Variants in MAPKAP1 observed in about 807,000 individuals in gnomAD.
MAPKAP1 encodes target of rapamycin complex 2 subunit MAPKAP1.
Under a neutral mutation model 65.7 loss-of-function variants are expected in MAPKAP1, and 20 were observed. The observed-to-expected ratio is 0.30, with a 90% CI of 0.21 to 0.44. The LOEUF (loss-of-function observed/expected upper bound fraction) is 0.44. Among genes scored for constraint, MAPKAP1 ranks in the 20% least tolerant of loss-of-function variants. The pLI is 1.00. For missense variants in MAPKAP1, 423 were observed against 648.0 expected (o/e 0.65, Z 3.77); for synonymous variants, 222 against 244.3 (o/e 0.91, Z 0.85).
At chr9:125,552,303 C>T (rs988280189) in intron 6 of MAPKAP1, among the ~76,000 whole-genome samples, 35 of 152,202 alleles carry the variant, frequency 2.3e-4, no homozygotes, top group African/African-American at 8.2e-4. Context: ...TTCCTGGGGC[C>T]CAGGGGTTCT....
intron 7 of MAPKAP1, among the ~76,000 whole-genome samples, chr9:125,534,215 C>T (rs1830010593): frequency 6.6e-6 from 1 of 152,010 alleles, no homozygotes; most frequent in Non-Finnish European, 1.5e-5. Flanking sequence ...AAATGTATAA[C>T]CTATATGTAT....
intron 10 of MAPKAP1, among the ~76,000 whole-genome samples, chr9:125,444,967 A>G (rs1038244977): frequency 6.6e-6 from 1 of 152,236 alleles, no homozygotes; most frequent in African/African-American, 2.4e-5. Context: ...GTTTAAAGTC[A>G]GATAAATGAG....
chr9:125,666,729 G>T (rs778804271), intron 3 of MAPKAP1, among the ~76,000 whole-genome samples: 4 of 152,164 alleles, frequency 2.6e-5, no homozygotes, highest in Non-Finnish European at 4.4e-5. Flanking sequence ...ACGTTTGTGG[G>T]AGATGTATAA....
At chr9:125,611,247 TTTTTA>T (rs1832592509) in intron 4 of MAPKAP1, among the ~76,000 whole-genome samples, 2 of 152,196 alleles carry the variant, frequency 1.3e-5, no homozygotes, top group Non-Finnish European at 2.9e-5. Context: ...ACCAAGCAGA[TTTTTA>T]CAAGATCAAA....
At chr9:125,564,882 C>T (rs552656511) in intron 5 of MAPKAP1, among the ~76,000 whole-genome samples, 10 of 152,018 alleles carry the variant, frequency 6.6e-5, no homozygotes, top group African/African-American at 1.9e-4. Flanking sequence ...CAGAGAAAGA[C>T]GAATGATCAA....
intron 7 of MAPKAP1, among the ~76,000 whole-genome samples, chr9:125,510,692 C>G (rs575486283): frequency 3.3e-5 from 5 of 152,302 alleles, no homozygotes; most frequent in African/African-American, 9.6e-5. Flanking sequence ...GGGTAACAAC[C>G]TGGGGGAAGG....
intron 4 of MAPKAP1, among the ~76,000 whole-genome samples, chr9:125,647,823 G>A (rs1374900698): frequency 3.9e-5 from 6 of 152,060 alleles, no homozygotes; most frequent in Non-Finnish European, 1.5e-5. Context: ...ATAGAGATGT[G>A]TGAACGAATC....
chr9:125,667,487 T>TTC (rs10676811), intron 3 of MAPKAP1, among the ~76,000 whole-genome samples: 137,663 of 152,120 alleles, frequency 0.9, 63,768 homozygotes, highest in East Asian at 1. Flanking sequence ...GCCCAGCTAA[T>TTC]TTATATTTTT....
intron 1 of MAPKAP1, among the ~76,000 whole-genome samples, chr9:125,687,787 A>C (rs938067806): frequency 2.0e-4 from 31 of 152,164 alleles, no homozygotes; most frequent in African/African-American, 7.5e-4. Context: ...CTCTCTCTTA[A>C]ATTTTTTAAA....
intron 4 of MAPKAP1, among the ~76,000 whole-genome samples, chr9:125,611,244 AG>A (rs1832592136): frequency 1.3e-5 from 2 of 152,256 alleles, no homozygotes; most frequent in Non-Finnish European, 2.9e-5. Flanking sequence ...ATTACCAAGC[AG>A]ATTTTTACAA....
rs536529334 is a variant in MAPKAP1, at chr9:125,466,593, C to T, written c.1345+1379G>A. On this transcript the variant is annotated intron_variant, in intron 10 of 11. Coordinates refer to ENST00000265960, the MANE Select transcript of MAPKAP1 (RefSeq NM_001006617.3). ...AATGACATCTTTATTGGCCGACAAG[C>T]TGAAGTGAGCGGGATTAGGAAGATG... Among the ~76,000 whole-genome samples, 90 of 152,282 alleles carry T rather than the reference C, an allele frequency of 5.9e-4. 1 individual carries two copies. In the South Asian group the frequency reaches 0.017, roughly 28 times the overall value.
At chr9:125,442,286 T>C (rs1852517665) in intron 11 of MAPKAP1, among the ~76,000 whole-genome samples, 1 of 152,134 alleles carries the variant, frequency 6.6e-6, no homozygotes, top group Non-Finnish European at 1.5e-5. Flanking sequence ...GCAAATATTT[T>C]GATATGGAAA....
At chr9:125,454,859 G>A (rs960241163) in intron 10 of MAPKAP1, among the ~76,000 whole-genome samples, 1 of 152,148 alleles carries the variant, frequency 6.6e-6, no homozygotes, top group Non-Finnish European at 1.5e-5. Flanking sequence ...CATACACTCT[G>A]AGTTGGGGCT....
chr9:125,527,277 A>G (rs1232968416), intron 7 of MAPKAP1, among the ~76,000 whole-genome samples: 1 of 152,082 alleles, frequency 6.6e-6, no homozygotes, highest in Non-Finnish European at 1.5e-5. Flanking sequence ...CATCTTGGCC[A>G]GGCTGGTCTT....
At chr9:125,525,114 A>G (rs1829725660) in intron 7 of MAPKAP1, among the ~76,000 whole-genome samples, 1 of 152,204 alleles carries the variant, frequency 6.6e-6, no homozygotes, top group South Asian at 2.1e-4. Flanking sequence ...AACTCAAAGC[A>G]GTCATATTCA....
intron 7 of MAPKAP1, among the ~76,000 whole-genome samples, chr9:125,540,624 G>A (rs1412758523): frequency 6.6e-6 from 1 of 152,174 alleles, no homozygotes; most frequent in Non-Finnish European, 1.5e-5. Flanking sequence ...CTCTAATTCT[G>A]TTCCCAGACA....
intron 11 of MAPKAP1, among the ~76,000 whole-genome samples, chr9:125,443,629 C>G (rs980051800): frequency 3.3e-5 from 5 of 152,110 alleles, no homozygotes; most frequent in African/African-American, 1.2e-4. Context: ...CCATGCCAAG[C>G]AGAGCTCCTC....
chr9:125,490,532 T>C (rs11790289), intron 8 of MAPKAP1, among the ~76,000 whole-genome samples: 4,062 of 151,862 alleles, frequency 0.027, 80 homozygotes, highest in Non-Finnish European at 0.044. Context: ...AGAACGAAAC[T>C]CTGTCTCAAA....
intron 7 of MAPKAP1, among the ~76,000 whole-genome samples, chr9:125,531,081 G>A (rs1829920666): frequency 6.6e-6 from 1 of 152,222 alleles, no homozygotes; most frequent in African/African-American, 2.4e-5. Flanking sequence ...CTGGGGACTG[G>A]GGTTGGTTTG....
Sources: allele counts gnomAD v4.1 joint callset (sites outside exome capture counted in the v4.1 genomes callset), GRCh38; gene constraint gnomAD v4.1.1; transcripts MANE v1.5; gene names NCBI Gene and HGNC (gene_info 2026-07-23, HGNC 2026-07-21).